OSBPL3: variants seen among roughly 807,000 people sequenced by gnomAD.
OSBPL3 encodes oxysterol binding protein like 3.
A neutral mutation model predicts 120.1 loss-of-function variants in OSBPL3; 65 were observed. That is an observed-to-expected ratio of 0.54 (90% CI 0.44 to 0.67). The LOEUF is 0.67. Ranked by LOEUF, OSBPL3 falls within the 30% of genes least tolerant of loss-of-function variation. The pLI is 0.00. For synonymous variants in OSBPL3, 416 were observed against 402.6 expected (o/e 1.03, Z -0.40); for missense variants, 1,004 against 1,082.1 (o/e 0.93, Z 1.01).
chr7:24,909,578 C>A (rs1174193310), intron 1 of OSBPL3, among the ~76,000 whole-genome samples: 1 of 152,088 alleles, frequency 6.6e-6, no homozygotes, highest in Non-Finnish European at 1.5e-5. Flanking sequence ...CTCAGTTACA[C>A]AGGTATAGCA....
Position 24,842,545 on chromosome 7 carries a change from T to C in OSBPL3, c.1267-132A>G, listed in dbSNP as rs888319416. The C allele has an allele frequency of 3.0e-5, 21 of 692,814 alleles. No homozygotes were observed. The African/African-American group carries it at 3.6e-4, about 12-fold the overall frequency. 42.9% of individuals were successfully genotyped at this position (692,814 alleles called of 1,614,324 possible). A position where few individuals can be genotyped will look rare whatever the true frequency, so the allele number is the denominator to read the frequency against. ...TAAGCAACTCAAAGCAGAAGTCAGC[T>C]CCAACACTGAGATGCGAGCCTCATG... On this transcript the variant is annotated intron_variant, in intron 12 of 22. Transcript: ENST00000313367.
rs139090230 is a variant in OSBPL3, at chr7:24,968,235, A to G, written c.-150+11651T>C. On this transcript the variant is annotated intron_variant, in intron 1 of 22. Transcript: ENST00000313367. The surrounding 1 kb of genome is among the most constrained non-coding windows in gnomAD (Gnocchi z 4.6). ...TATCAACCAGCTCTCTGGAAAAACA[A>G]AAACAAAAATGTCCTCATGTGTTAT... Among the ~76,000 whole-genome samples the G allele has an allele frequency of 3.0e-3, 457 of 152,320 alleles. No homozygotes were observed. Among genetic ancestry groups the G allele is most frequent in the African/African-American group, 0.01 (422 of 41,568 alleles).
intron 12 of OSBPL3, among the ~76,000 whole-genome samples, chr7:24,846,991 C>CA (rs1562817694): frequency 6.9e-6 from 1 of 144,722 alleles, no homozygotes; most frequent in East Asian, 2.1e-4. Context: ...ACCCGGGAGG[C>CA]GGAGCTGGCA....
At chr7:24,926,080 T>C (rs968970674) in intron 1 of OSBPL3, among the ~76,000 whole-genome samples, 9 of 152,230 alleles carry the variant, frequency 5.9e-5, no homozygotes, top group Admixed American at 1.3e-4. Context: ...AGGTATGCCG[T>C]GGTCATTGGA....
At chr7:24,825,288 AGAAGGAAGGCTTCT>A (rs1795576361) in intron 16 of OSBPL3, among the ~76,000 whole-genome samples, 1 of 152,212 alleles carries the variant, frequency 6.6e-6, no homozygotes, top group Non-Finnish European at 1.5e-5. Context: ...GGCTGGCTGT[AGAAGGAAGGCTTCT>A]GAAGGGAGAC....
chr7:24,897,945 A>C (rs1806419840), intron 1 of OSBPL3, among the ~76,000 whole-genome samples: 1 of 152,208 alleles, frequency 6.6e-6, no homozygotes, highest in African/African-American at 2.4e-5. Flanking sequence ...AACGACTTTC[A>C]TGAAGGCCAG....
Position 24,797,757 on chromosome 7 carries a change from A to G in OSBPL3, c.*2426T>C, listed in dbSNP as rs1425967427. On this transcript the variant is annotated 3_prime_UTR_variant, in exon 23 of 23. Coordinates refer to ENST00000313367, the MANE Select transcript of OSBPL3 (RefSeq NM_015550.4). The surrounding 1 kb of genome is among the most constrained non-coding windows in gnomAD (Gnocchi z 4.8). ...TTAGAAAAAAAAAAGAGGTTAAAAC[A>G]TGTAACTCAAATGGTACAGTGATTA... is the stretch of plus-strand genomic sequence containing the variant. The G allele has an allele frequency of 6.6e-6, 1 of 152,188 alleles. No individual in the cohort carries two copies. Among genetic ancestry groups the G allele is most frequent in the Non-Finnish European group, 1.5e-5 (1 of 68,030 alleles). 9.4% of individuals were successfully genotyped at this position (152,188 alleles called of 1,614,324 possible).
intron 5 of OSBPL3, among the ~76,000 whole-genome samples, chr7:24,870,447 A>T (rs1801944353): frequency 6.6e-6 from 1 of 152,184 alleles, no homozygotes; most frequent in Non-Finnish European, 1.5e-5. Context: ...GCCTGGGTGG[A>T]GATGGTTTGG....
At position 24,835,630 on chromosome 7, in the gene OSBPL3, A is replaced by C. The variant is rs757102148; in HGVS notation, c.1496-894T>G. ...CATGCACGTGTATGTTTATCACAGC[A>C]CTATTCCCAACAGCAAAGACATGGA... On this transcript the variant is annotated intron_variant, in intron 14 of 22. Transcript: ENST00000313367. This position sits in a 1 kb window ranked among gnomAD's most constrained non-coding sequence, Gnocchi z 4.8. Among the ~76,000 whole-genome samples the C allele has an allele frequency of 6.6e-6, 1 of 152,184 alleles. No individual in the cohort carries two copies. The highest frequency in any genetic ancestry group is 1.9e-4 in the East Asian group (1 of 5,196).
At position 24,830,918 on chromosome 7, in the gene OSBPL3, G is replaced by A. The variant is rs1412008403; in HGVS notation, c.1747-13C>T. On this transcript the variant is annotated splice_polypyrimidine_tract_variant and intron_variant, in intron 15 of 22. Coordinates refer to ENST00000313367, the MANE Select transcript of OSBPL3 (RefSeq NM_015550.4). The surrounding 1 kb of genome is among the most constrained non-coding windows in gnomAD (Gnocchi z 4.4). The stretch of plus-strand genomic sequence containing the variant: ...CTGCCACATATACCTAAGGACAAGA[G>A]AAAAGAACTTTGTCATTTCCGTGTC... 1 of 1,579,666 alleles carries A rather than the reference G, an allele frequency of 6.3e-7. No individual in the cohort carries two copies. Among genetic ancestry groups the A allele is most frequent in the African/African-American group, 1.4e-5 (1 of 72,752 alleles).
intron 1 of OSBPL3, among the ~76,000 whole-genome samples, chr7:24,901,101 G>A (rs1373140411): frequency 2.6e-5 from 4 of 151,816 alleles, no homozygotes; most frequent in Non-Finnish European, 4.4e-5. Flanking sequence ...AGGCTGAGGC[G>A]GGCGGATCAC....
At chr7:24,857,838 T>C (rs748703949) in intron 10 of OSBPL3, among the ~76,000 whole-genome samples, 1 of 152,218 alleles carries the variant, frequency 6.6e-6, no homozygotes, top group Non-Finnish European at 1.5e-5. Flanking sequence ...GCCTTTACTA[T>C]TTACTGTTCT....
intron 1 of OSBPL3, among the ~76,000 whole-genome samples, chr7:24,907,444 G>T (rs1336403161): frequency 6.6e-6 from 1 of 152,202 alleles, no homozygotes; most frequent in Non-Finnish European, 1.5e-5. Flanking sequence ...AGGGTTTTGT[G>T]AAGATTGACT....
chr7:24,807,321 C>T (rs1401816527), intron 20 of OSBPL3, among the ~76,000 whole-genome samples: 3 of 151,954 alleles, frequency 2.0e-5, no homozygotes, highest in Non-Finnish European at 4.4e-5. Flanking sequence ...GGCGAAACAC[C>T]ATCTCTACTA....
In OSBPL3 at chr7:24,959,295, A is replaced by T. The variant is rs1284399801; in HGVS notation, c.-150+20591T>A. ...GTACGAGAATATTCACAGCAGCACT[A>T]ATCATAAAAACCCCAAACAGAAAAA... On this transcript the variant is annotated intron_variant, in intron 1 of 22. Coordinates refer to ENST00000313367, the MANE Select transcript of OSBPL3 (RefSeq NM_015550.4). The surrounding 1 kb of genome is among the most constrained non-coding windows in gnomAD (Gnocchi z 4.3). Among the ~76,000 whole-genome samples the T allele has an allele frequency of 6.6e-6, 1 of 152,168 alleles. No individual in the cohort carries two copies. Among genetic ancestry groups the T allele is most frequent in the Non-Finnish European group, 1.5e-5 (1 of 68,026 alleles).
chr7:24,879,434 G>T lies in OSBPL3; in HGVS notation c.97-7365C>A, dbSNP rs941650358. On this transcript the variant is annotated intron_variant, in intron 2 of 22. Coordinates refer to ENST00000313367, the MANE Select transcript of OSBPL3 (RefSeq NM_015550.4). This position sits in a 1 kb window ranked among gnomAD's most constrained non-coding sequence, Gnocchi z 5.6. ...CCCTTCTTTCCCTTCACACACAGATGTAGCTCTCCAACCTCAGGCCAGAGC... is the reference window on the plus strand; with the variant it reads ...CCCTTCTTTCCCTTCACACACAGATTTAGCTCTCCAACCTCAGGCCAGAGC... Among the ~76,000 whole-genome samples the T allele has an allele frequency of 1.3e-5, 2 of 152,198 alleles. No homozygotes were observed. Among genetic ancestry groups the T allele is most frequent in the Non-Finnish European group, 1.5e-5 (1 of 68,026 alleles).
intron 1 of OSBPL3, among the ~76,000 whole-genome samples, chr7:24,958,018 A>G (rs1815279544): frequency 6.6e-6 from 1 of 152,184 alleles, no homozygotes; most frequent in Non-Finnish European, 1.5e-5. Context: ...TCCCACATTT[A>G]GGTTATTTCC....
chr7:24,954,322 G>T (rs1584724361), intron 1 of OSBPL3, among the ~76,000 whole-genome samples: 2 of 152,246 alleles, frequency 1.3e-5, no homozygotes, highest in Non-Finnish European at 2.9e-5. Flanking sequence ...TCTCCATAAG[G>T]ATGTCAAAAT....
At position 24,804,311 on chromosome 7, in the gene OSBPL3, G is replaced by A. The variant is rs774750063; in HGVS notation, c.2567+4C>T. Reference sequence around the variant, plus strand: ...CCAAAAACCTACTCAATCCAGGCACGAACCTGAAAAACCGAGGCTGGTGCT... The same window carrying A: ...CCAAAAACCTACTCAATCCAGGCACAAACCTGAAAAACCGAGGCTGGTGCT... On this transcript the variant is annotated splice_donor_region_variant and intron_variant, in intron 22 of 22. Coordinates refer to ENST00000313367, the MANE Select transcript of OSBPL3 (RefSeq NM_015550.4). This position sits in a 1 kb window ranked among gnomAD's most constrained non-coding sequence, Gnocchi z 5.4. 8 of 1,614,106 alleles carry A rather than the reference G, an allele frequency of 5.0e-6. No individual in the cohort carries two copies. The highest frequency in any genetic ancestry group is 1.3e-5 in the African/African-American group (1 of 75,028).
Sources: allele counts gnomAD v4.1 joint callset (sites outside exome capture counted in the v4.1 genomes callset), GRCh38; gene constraint gnomAD v4.1.1; non-coding constraint Gnocchi (gnomAD v3.1); transcripts MANE v1.5; gene names NCBI Gene and HGNC (gene_info 2026-07-23, HGNC 2026-07-21).